The following USH2A variants were observed in gnomAD, a reference collection of about 807,000 sequenced individuals.
The protein encoded by USH2A is usherin.
USH2A carries 443 observed loss-of-function variants against 538.9 expected under a neutral mutation model. The observed-to-expected ratio is 0.82, with a 90% confidence interval of 0.76 to 0.89. USH2A has a LOEUF of 0.89. USH2A is among the 40% of genes least tolerant of loss of function. The pLI is 0.00. For synonymous variants in USH2A, 2,413 were observed against 2,273.5 expected, an observed-to-expected ratio of 1.06 and a Z score of -1.75; for missense variants, 6,633 against 6,324.8, an observed-to-expected ratio of 1.05 and a Z score of -1.65.
intron 71 of USH2A, among the ~76,000 whole-genome samples, chr1:215,628,431 C>T (rs1242162173): frequency 6.6e-6 from 1 of 151,952 alleles, no homozygotes; most frequent in African/African-American, 2.4e-5. Context: ...TACAGGTGCC[C>T]ACCACCACAC....
chr1:216,159,571 C>CACACACACACACACAG, intron 21 of USH2A, among the ~76,000 whole-genome samples: 1 of 145,246 alleles, frequency 6.9e-6, no homozygotes, highest in African/African-American at 2.5e-5. Flanking sequence ...CACACACACA[C>CACACACACACACACAG]AGAGAATATT....
intron 30 of USH2A, among the ~76,000 whole-genome samples, chr1:216,049,611 C>A (rs1016211140): frequency 1.3e-5 from 2 of 152,256 alleles, no homozygotes; most frequent in Admixed American, 6.5e-5. Context: ...AACCTTCAAT[C>A]GCTCAGAGAA....
rs1020345027 is a variant in USH2A, at chr1:216,243,253, A to G, written c.2809+3332T>C. On this transcript the variant is annotated intron_variant, in intron 13 of 71. Transcript: ENST00000307340. ...TGTGCATATATTTCCTCAGGACTCA[A>G]GAGGCCTTCATTAACTTTGGCTGAT... 4.6e-5 allele frequency among the ~76,000 whole-genome samples: 7 copies of G among 152,318 alleles called. No homozygotes were observed. In the East Asian group the frequency reaches 1.4e-3, roughly 29 times the overall value.
intron 38 of USH2A, among the ~76,000 whole-genome samples, chr1:215,925,178 A>G (rs912010547): frequency 1.1e-4 from 17 of 152,168 alleles, no homozygotes; most frequent in Non-Finnish European, 2.4e-4. Context: ...CAATTCCAAA[A>G]AAGTAAAGGT....
intron 35 of USH2A, among the ~76,000 whole-genome samples, chr1:215,984,594 G>A (rs1667827959): frequency 6.6e-6 from 1 of 152,164 alleles, no homozygotes; most frequent in Non-Finnish European, 1.5e-5. Flanking sequence ...ATGTCAAATT[G>A]TATTTCCTAA....
chr1:216,420,883 CA>C (rs1468832002), intron 2 of USH2A, among the ~76,000 whole-genome samples: 1 of 152,046 alleles, frequency 6.6e-6, no homozygotes. Context: ...AACTAAACAC[CA>C]AAAACATTTA....
At chr1:215,711,885 G>T (rs1659346834) in intron 61 of USH2A, among the ~76,000 whole-genome samples, 1 of 151,994 alleles carries the variant, frequency 6.6e-6, no homozygotes, top group Non-Finnish European at 1.5e-5. Flanking sequence ...CTGTCTGTGG[G>T]GCTAATATAA....
intron 14 of USH2A, among the ~76,000 whole-genome samples, chr1:216,228,175 AGAT>A (rs1294061789): frequency 6.6e-6 from 1 of 152,156 alleles, no homozygotes; most frequent in Non-Finnish European, 1.5e-5. Context: ...GGGATTAGGA[AGAT>A]TTGAGAAATA....
intron 60 of USH2A, 57 bp from the exon 61 acceptor site, chr1:215,728,441 G>A (rs1226734254): frequency 2.0e-6 from 3 of 1,519,222 alleles, no homozygotes; most frequent in East Asian, 2.3e-5. Context: ...AACAAAGTTT[G>A]TAGATGGAGT....
intron 38 of USH2A, among the ~76,000 whole-genome samples, chr1:215,934,056 C>T (rs1174446326): frequency 6.6e-6 from 1 of 151,974 alleles, no homozygotes; most frequent in East Asian, 1.9e-4. Context: ...TATCACATTT[C>T]ACACATGAAT....
intron 32 of USH2A, among the ~76,000 whole-genome samples, chr1:216,004,105 G>A (rs1489945929): frequency 1.3e-5 from 2 of 152,136 alleles, no homozygotes; most frequent in Non-Finnish European, 2.9e-5. Context: ...AAGGCATGGA[G>A]GGGAAGATAA....
rs139693587 is a variant in USH2A, at chr1:215,985,875, C to T, written c.6805+7145G>A. Among the ~76,000 whole-genome samples the T allele has an allele frequency of 4.2e-3, 639 of 151,920 alleles. 2 individuals carry two copies. Among genetic ancestry groups the T allele is most frequent in the Non-Finnish European group, 6.6e-3 (447 of 67,936 alleles). Reference sequence around the variant, plus strand: ...TGAGCCAAATGTTTTTTTTAAATAACGTTCTATTGTCTTCAAGGTACTACG... The same window carrying T: ...TGAGCCAAATGTTTTTTTTAAATAATGTTCTATTGTCTTCAAGGTACTACG... On this transcript the variant is annotated intron_variant, in intron 35 of 71. Transcript: ENST00000307340.
At chr1:216,373,562 C>A (rs2038756276) in intron 3 of USH2A, among the ~76,000 whole-genome samples, 1 of 152,100 alleles carries the variant, frequency 6.6e-6, no homozygotes, top group African/African-American at 2.4e-5. Context: ...AATTTTTGAC[C>A]TAATGACCCA....
At chr1:216,327,905 C>T (rs370630815) in intron 4 of USH2A, among the ~76,000 whole-genome samples, 67 of 152,186 alleles carry the variant, frequency 4.4e-4, no homozygotes, top group African/African-American at 1.3e-3. Flanking sequence ...ATTTACTGAT[C>T]GAACTCATGG....
intron 40 of USH2A, among the ~76,000 whole-genome samples, chr1:215,893,581 A>C (rs185916621): frequency 2.7e-4 from 41 of 152,324 alleles, no homozygotes; most frequent in Non-Finnish European, 5.3e-4. Context: ...ACCCTCAATA[A>C]AATTTAAGTA....
intron 4 of USH2A, among the ~76,000 whole-genome samples, chr1:216,354,619 G>T (rs59544613): frequency 0.23 from 35,026 of 151,968 alleles, 4,046 homozygotes; most frequent in Middle Eastern, 0.33. Flanking sequence ...GGGCTTAGCA[G>T]CAGCCTAGAC....
chr1:215,909,253 C>T lies in USH2A; in HGVS notation c.7301-8348G>A, dbSNP rs58480057. Among the ~76,000 whole-genome samples the T allele has an allele frequency of 7.8e-3, 1,188 of 151,630 alleles. 13 individuals are homozygous for T. Among genetic ancestry groups the T allele is most frequent in the African/African-American group, 0.026 (1,076 of 41,358 alleles). ...AAAGATAAAGGCAAAACTATAGAGACGATAAAAAGTGATCAGAGTTTGCCA... is the reference window on the plus strand; with the variant it reads ...AAAGATAAAGGCAAAACTATAGAGATGATAAAAAGTGATCAGAGTTTGCCA... On this transcript the variant is annotated intron_variant, in intron 38 of 71. Transcript: ENST00000307340.
chr1:216,159,151 ACTT>A (rs2102627201), intron 21 of USH2A, among the ~76,000 whole-genome samples: 1 of 152,218 alleles, frequency 6.6e-6, no homozygotes, highest in Admixed American at 6.5e-5. Flanking sequence ...AAGATGGTTT[ACTT>A]CTTCTTTGAC....
chr1:215,981,413 G>A (rs1032722229), intron 35 of USH2A, among the ~76,000 whole-genome samples: 15 of 152,008 alleles, frequency 9.9e-5, no homozygotes, highest in South Asian at 4.2e-4. Flanking sequence ...TTAGTAACTC[G>A]TTTATTATTA....
Sources: gnomAD v4.1 joint callset for allele counts (sites outside exome capture counted in the v4.1 genomes callset) on GRCh38, gnomAD v4.1.1 for gene constraint, MANE v1.5 for transcripts, NCBI Gene and HGNC (gene_info 2026-07-23, HGNC 2026-07-21) for gene names.